PKMYT1: variants seen among roughly 807,000 people sequenced by gnomAD.
PKMYT1 encodes membrane-associated tyrosine- and threonine-specific cdc2-inhibitory kinase.
Under a neutral mutation model 49.7 loss-of-function variants are expected in PKMYT1, and 35 were observed. The observed-to-expected ratio is 0.70, with a 90% CI of 0.54 to 0.93. The LOEUF is 0.93. PKMYT1 is among the 40% of genes least tolerant of loss of function. The pLI is 0.00. For missense variants in PKMYT1, 677 were observed against 673.1 expected, an observed-to-expected ratio of 1.01 and a Z score of -0.06; for synonymous variants, 331 against 287.6, an observed-to-expected ratio of 1.15 and a Z score of -1.53.
rs2072041294 is a variant in PKMYT1, at chr16:2,972,985, TGAG to T, written c.1465_1467del (p.Leu489del). The T allele has an allele frequency of 6.2e-7, 1 of 1,610,112 alleles. No homozygotes were observed. The highest frequency in any genetic ancestry group is 2.2e-5 in the East Asian group (1 of 44,804). On this transcript the variant is annotated inframe_deletion, in exon 9 of 9. Transcript: ENST00000262300. ...GGGTCTAGGGTGTCCTCAAACAGGCTGAGGAGGTTCCGAGGCTCAAAGGAGGGG... is the reference window on the plus strand; with the variant it reads ...GGGTCTAGGGTGTCCTCAAACAGGCTGAGGTTCCGAGGCTCAAAGGAGGGG...
At position 2,973,159 on chromosome 16, in the gene PKMYT1, G is replaced by T; in HGVS notation, c.1367C>A (p.Pro456His). 1 of 1,540,728 alleles carries T rather than the reference G, an allele frequency of 6.5e-7. No homozygotes were observed. ...TTACCTGGGTGTGCACCTGCTCCGGGGGGTGGAGGTGCTCCCCACAGTCCG... is the reference window on the plus strand; with the variant it reads ...TTACCTGGGTGTGCACCTGCTCCGGTGGGTGGAGGTGCTCCCCACAGTCCG... ...LARTVGSTSTPRSRCTPRDAL... is the reference protein window; with the variant it reads ...LARTVGSTSTHRSRCTPRDAL... The change falls in exon 8 of 9, where the codon CCC (proline) becomes CAC (histidine). Residue 456 changes from proline to histidine, a missense_variant. By Grantham distance (77) the Pro-to-His change is moderately conservative. Coordinates refer to ENST00000262300, the MANE Select transcript of PKMYT1 (RefSeq NM_004203.5).
At chr16:2,974,441 C>T (rs752374560) in intron 5 of PKMYT1, 24 bp from the exon 6 acceptor site, 13 of 1,594,970 alleles carry the variant, frequency 8.2e-6, no homozygotes, top group Middle Eastern at 1.7e-4. Flanking sequence ...AGGGCCACAT[C>T]GGGGTCCCAG....
rs1187031111 is a variant in PKMYT1 at position 2,974,232 on chromosome 16, G to T, written c.1152+13C>A. On this transcript the variant is annotated intron_variant, in intron 6 of 8. Coordinates refer to ENST00000262300, the MANE Select transcript of PKMYT1 (RefSeq NM_004203.5). ...GGGAGCAGGGCAGGCAGCCGCCACT[G>T]TCGGGAGCTTACCTGCCACAGGGCC... The T allele has an allele frequency of 1.2e-5, 19 of 1,558,290 alleles. No individual in the cohort carries two copies. In the Middle Eastern group the frequency reaches 1.7e-3, roughly 137 times the overall value.
chr16:2,973,517 G>A (rs1469391187), intron 7 of PKMYT1: 1 of 1,288,864 alleles, frequency 7.8e-7, no homozygotes, highest in Non-Finnish European at 1.0e-6. Context: ...GCTATCAAGT[G>A]CCCCGAGGGA....
chr16:2,973,709 A>G (rs2072084105), intron 7 of PKMYT1: 2 of 507,706 alleles, frequency 3.9e-6, no homozygotes, highest in African/African-American at 1.9e-5. Context: ...AGAAGGGACA[A>G]TGTTTTATCC....
intron 1 of PKMYT1, 153 bp from the exon 2 acceptor site, chr16:2,980,065 G>A (rs1294595471): frequency 4.2e-6 from 1 of 240,138 alleles, no homozygotes; most frequent in East Asian, 1.2e-4. Flanking sequence ...GGGGTCTCCG[G>A]GAGGGGCGAG....
At chr16:2,979,464 T>G in intron 2 of PKMYT1, 184 bp downstream of exon 2, 2 of 617,062 alleles carry the variant, frequency 3.2e-6, no homozygotes, top group South Asian at 3.8e-5. Context: ...GTGGAGACTC[T>G]TCCTCTGACT....
At chr16:2,973,451 A>G (rs979428481) in intron 7 of PKMYT1, 15 of 1,520,782 alleles carry the variant, frequency 9.9e-6, no homozygotes, top group Non-Finnish European at 1.3e-5. Context: ...ATGGACTTGG[A>G]GGCAGATTTG....
In PKMYT1 at chr16:2,972,828, A is replaced by C; in HGVS notation, c.*125T>G. Reference sequence around the variant, plus strand: ...CAAGCTTGGGTGCTCCCAAGGTTCAAATACTTTTTATTAGACACGGCCAGG... The same window carrying C: ...CAAGCTTGGGTGCTCCCAAGGTTCACATACTTTTTATTAGACACGGCCAGG... On this transcript the variant is annotated 3_prime_UTR_variant, in exon 9 of 9. Coordinates refer to ENST00000262300, the MANE Select transcript of PKMYT1 (RefSeq NM_004203.5). 1 of 1,534,340 alleles carries C rather than the reference A, an allele frequency of 6.5e-7. No homozygotes were observed. The highest frequency in any genetic ancestry group is 8.8e-7 in the Non-Finnish European group (1 of 1,136,148).
chr16:2,974,058 G>A lies in PKMYT1; in HGVS notation c.1252C>T (p.Pro418Ser). 6.2e-7 allele frequency: 1 copy of A among 1,612,332 alleles called. No individual in the cohort carries two copies. The highest frequency in any genetic ancestry group is 1.7e-5 in the Admixed American group (1 of 59,962). ...CTGCTGTCCAGGAGCAAACTGCAGG[G>A]TGGTGAGCCAGGCGGGGTGGCTGGC... ...GPPATPPGSP[P>S]CSLLLDSSLS... Residue 418 changes from proline to serine, a missense_variant, in exon 7 of 9, where the codon CCC (proline) becomes TCC (serine). Coordinates refer to ENST00000262300, the MANE Select transcript of PKMYT1 (RefSeq NM_004203.5).
chr16:2,977,988 C>T (rs1428221007), intron 2 of PKMYT1, among the ~76,000 whole-genome samples: 4 of 152,130 alleles, frequency 2.6e-5, no homozygotes, highest in African/African-American at 9.7e-5. Context: ...GAACATGGAG[C>T]CCCAGCTCAT....
chr16:2,978,287 G>GT (rs1247341447), intron 2 of PKMYT1, among the ~76,000 whole-genome samples: 1 of 152,196 alleles, frequency 6.6e-6, no homozygotes, highest in Non-Finnish European at 1.5e-5. Flanking sequence ...AGTTTTGGTG[G>GT]TGCGCCATTA....
At chr16:2,973,628 C>T (rs1003856887) in intron 7 of PKMYT1, 7 of 452,222 alleles carry the variant, frequency 1.5e-5, no homozygotes, top group Non-Finnish European at 2.8e-5. Flanking sequence ...ACTCAAGACA[C>T]CAGGCCCCAG....
chr16:2,978,468 C>G (rs192491880), intron 2 of PKMYT1, among the ~76,000 whole-genome samples: 1 of 152,238 alleles, frequency 6.6e-6, no homozygotes, highest in African/African-American at 2.4e-5. Flanking sequence ...TTGGATCTGG[C>G]CAGGCACAGT....
In PKMYT1 at chr16:2,972,902, C is replaced by T. The variant is rs530854797; in HGVS notation, c.*51G>A. The stretch of plus-strand genomic sequence containing the variant: ...GAGGGGCCCCAGCTTTCAAGGGCGA[C>T]GGGAGAGACACAGGATAAAAGGTTA... On this transcript the variant is annotated 3_prime_UTR_variant, in exon 9 of 9. Transcript: ENST00000262300. 4.4e-5 allele frequency: 68 copies of T among 1,556,226 alleles called. No individual in the cohort carries two copies. The East Asian group carries it at 6.5e-4, about 15-fold the overall frequency.
Position 2,974,157 on chromosome 16 carries a change from C to T in PKMYT1, c.1153G>A (p.Ala385Thr). Residue 385 changes from alanine to threonine, a missense_variant and splice_region_variant, in exon 7 of 9, where the codon GCC becomes ACC. Ala to Thr is a moderately conservative substitution (Grantham distance 58). Transcript: ENST00000262300. The part of the protein sequence containing the change: ...ALSRGWALWQ[A>T]LLALLCWLWH... Reference sequence around the variant, plus strand: ...AGCCAGCAGAGCAGGGCAAGCAGGGCCTGTGGGGGAGAGGAGCTCAGGATG... The same window carrying T: ...AGCCAGCAGAGCAGGGCAAGCAGGGTCTGTGGGGGAGAGGAGCTCAGGATG... 4 of 1,597,326 alleles carry T rather than the reference C, an allele frequency of 2.5e-6. No homozygotes were observed. Among genetic ancestry groups the T allele is most frequent in the East Asian group, 2.3e-5 (1 of 44,442 alleles).
At chr16:2,974,897 C>T (rs1596450126) in intron 4 of PKMYT1, 2 of 576,658 alleles carry the variant, frequency 3.5e-6, no homozygotes, top group East Asian at 2.9e-5. Flanking sequence ...GTGAGTCCTC[C>T]CAGTGCCCTG....
intron 6 of PKMYT1, 26 bp downstream of exon 6, chr16:2,974,219 G>A (rs1422938842): frequency 1.3e-6 from 2 of 1,553,996 alleles, no homozygotes; most frequent in African/African-American, 2.7e-5. Context: ...GAGCAGGGCA[G>A]GCAGCCGCCA....
intron 7 of PKMYT1, chr16:2,973,612 C>T: frequency 4.2e-6 from 2 of 481,484 alleles, no homozygotes; most frequent in South Asian, 2.2e-5. Flanking sequence ...CTAATTACAG[C>T]CTCTCACTCA....
Sources: allele counts gnomAD v4.1 joint callset (sites outside exome capture counted in the v4.1 genomes callset), GRCh38; gene constraint gnomAD v4.1.1; transcripts MANE v1.5; gene names NCBI Gene and HGNC (gene_info 2026-07-23, HGNC 2026-07-21).